The following TARBP1 variants were observed in gnomAD, a reference collection of about 807,000 sequenced individuals.
The protein encoded by TARBP1 is tRNA guanosine 2 -O-methyltransferase TARBP1.
TARBP1 carries 144 observed loss-of-function variants against 178.6 expected under a neutral mutation model. The ratio of observed to expected loss-of-function variants is 0.81; its 90% CI spans 0.70 to 0.93. TARBP1 has a LOEUF of 0.93. Among genes scored for constraint, TARBP1 ranks in the 40% least tolerant of loss-of-function variants. TARBP1 has a pLI of 0.00. For missense variants in TARBP1, 2,067 were observed against 2,011.7 expected (o/e 1.03, Z -0.53); for synonymous variants, 787 against 781.0 (o/e 1.01, Z -0.13).
chr1:234,413,891 T>A (rs1006706427), intron 22 of TARBP1, among the ~76,000 whole-genome samples: 1 of 152,162 alleles, frequency 6.6e-6, no homozygotes. Context: ...CAGGACCTGG[T>A]CACGAATCAG....
rs774080721 is a variant in TARBP1, at chr1:234,392,492, T to C, written c.4621A>G (p.Ile1541Val). Reference sequence around the variant, plus strand: ...CTTTTGGCAGTTTGTTCCACTCCAATGATGGTATAACCTTCTGTTTTCTTC... The same window carrying C: ...CTTTTGGCAGTTTGTTCCACTCCAACGATGGTATAACCTTCTGTTTTCTTC... ...QQKKTEGYTI[I>V]GVEQTAKSLD... Residue 1541 changes from isoleucine to valine, a missense_variant, in exon 29 of 30, where the codon ATT becomes GTT. Ile to Val is a conservative substitution (Grantham distance 29, BLOSUM62 3). Transcript: ENST00000040877. The C allele has an allele frequency of 6.2e-7, 1 of 1,614,044 alleles. No homozygotes were observed. Among genetic ancestry groups the C allele is most frequent in the African/African-American group, 1.3e-5 (1 of 74,946 alleles).
intron 6 of TARBP1, 32 bp downstream of exon 6, chr1:234,463,805 C>A: frequency 7.7e-7 from 1 of 1,306,162 alleles, no homozygotes; most frequent in Non-Finnish European, 1.0e-6. Flanking sequence ...TAAGCTAAAG[C>A]ATTTTTAAAA....
Position 234,391,614 on chromosome 1 carries a change from C to G in TARBP1, c.4829G>C (p.Arg1610Thr). ...SGALLIWEYTRQQLLSHGDTK... is the reference protein window; with the variant it reads ...SGALLIWEYTTQQLLSHGDTK... ...ATCTCCGTGCGAGAGCAGCTGCTGC[C>G]TGGTGTACTCCCAGATCAGCAGGGC... The change falls in exon 30 of 30, where the codon AGG becomes ACG. Residue 1610 changes from arginine to threonine, a missense_variant. Coordinates refer to ENST00000040877, the MANE Select transcript of TARBP1 (RefSeq NM_005646.4). 1 of 1,613,398 alleles carries G rather than the reference C, an allele frequency of 6.2e-7. No individual in the cohort carries two copies. The highest frequency in any genetic ancestry group is 1.3e-5 in the African/African-American group (1 of 75,006).
intron 22 of TARBP1, among the ~76,000 whole-genome samples, 165 bp downstream of exon 22, chr1:234,417,919 A>G (rs1182679484): frequency 6.6e-6 from 1 of 152,138 alleles, no homozygotes; most frequent in Non-Finnish European, 1.5e-5. Flanking sequence ...AATGCCAGGG[A>G]TTTCTGTCTT....
rs116332286 is a variant in TARBP1 at position 234,417,942 on chromosome 1, A to T, written c.3705+142T>A. 1,529 of 437,404 alleles carry T rather than the reference A, an allele frequency of 3.5e-3. 16 individuals carry two copies. The highest frequency in any genetic ancestry group is 0.028 in the African/African-American group (1,364 of 48,622). The allele number at this position is 437,404 out of a possible 1,614,324, so 27.1% of individuals were successfully genotyped here. Reference sequence around the variant, plus strand: ...GGATTTCTGTCTTCTGAATTAATTCAGATCTTGCAAAACATAACTTATGAT... The same window carrying T: ...GGATTTCTGTCTTCTGAATTAATTCTGATCTTGCAAAACATAACTTATGAT... On this transcript the variant is annotated intron_variant, in intron 22 of 29. Transcript: ENST00000040877.
rs200560058 is a variant in TARBP1, at chr1:234,405,889, C to T, written c.3989+14G>A. The T allele has an allele frequency of 2.6e-5, 42 of 1,609,868 alleles. No individual in the cohort carries two copies. The highest frequency in any genetic ancestry group is 3.1e-5 in the Non-Finnish European group (36 of 1,177,540). On this transcript the variant is annotated intron_variant, in intron 24 of 29. Coordinates refer to ENST00000040877, the MANE Select transcript of TARBP1 (RefSeq NM_005646.4). ...AGGAGAGTGAGGGCGATGAGGTTGA[C>T]GAGGGCTCCTTACCCTGCTCCGTGC... is the stretch of plus-strand genomic sequence containing the variant.
chr1:234,464,706 G>A (rs758337308), intron 5 of TARBP1, among the ~76,000 whole-genome samples: 1 of 152,134 alleles, frequency 6.6e-6, no homozygotes, highest in Non-Finnish European at 1.5e-5. Flanking sequence ...AATGTTTCAA[G>A]AAATTGGCTG....
intron 14 of TARBP1, among the ~76,000 whole-genome samples, chr1:234,432,619 C>A (rs886972335): frequency 6.6e-6 from 1 of 152,112 alleles, no homozygotes; most frequent in East Asian, 1.9e-4. Flanking sequence ...AAAGGGGAGA[C>A]CAGATGCTGC....
intron 10 of TARBP1, among the ~76,000 whole-genome samples, chr1:234,449,895 C>G (rs1167629740): frequency 6.6e-6 from 1 of 152,150 alleles, no homozygotes; most frequent in Non-Finnish European, 1.5e-5. Context: ...CTAATGTTGT[C>G]TTATATATTT....
At chr1:234,436,476 C>T (rs1665041520) in intron 13 of TARBP1, among the ~76,000 whole-genome samples, 1 of 152,010 alleles carries the variant, frequency 6.6e-6, no homozygotes, top group Admixed American at 6.5e-5. Flanking sequence ...ATAAATATTC[C>T]CCACTCCAAA....
In TARBP1 at chr1:234,427,361, T is replaced by C; in HGVS notation, c.3279A>G (p.Ile1093Met). Residue 1093 changes from isoleucine to methionine, a missense_variant, in exon 19 of 30, where the codon ATA becomes ATG. Ile to Met is a conservative substitution (Grantham distance 10). Transcript: ENST00000040877. ...CCGCACAGTCATGTCCAAGGTTTTCTATGAAGGTCTGTACATCCTGAACAA... is the reference window on the plus strand; with the variant it reads ...CCGCACAGTCATGTCCAAGGTTTTCCATGAAGGTCTGTACATCCTGAACAA... The part of the protein sequence containing the change: ...QRLVQDVQTF[I>M]ENLGHDCAAN... 1.9e-6 allele frequency: 3 copies of C among 1,612,520 alleles called. No individual in the cohort carries two copies. The highest frequency in any genetic ancestry group is 2.5e-6 in the Non-Finnish European group (3 of 1,179,288).
chr1:234,466,081 A>G (rs1156560909), intron 4 of TARBP1, among the ~76,000 whole-genome samples: 1 of 149,952 alleles, frequency 6.7e-6, no homozygotes, highest in Non-Finnish European at 1.5e-5. Flanking sequence ...CCTAGAGGAT[A>G]AAGAGGAAAA....
chr1:234,422,437 A>G (rs530025294), intron 20 of TARBP1, among the ~76,000 whole-genome samples: 1 of 152,334 alleles, frequency 6.6e-6, no homozygotes, highest in South Asian at 2.1e-4. Context: ...CTGCAACAAC[A>G]TGGATGGAAC....
intron 6 of TARBP1, among the ~76,000 whole-genome samples, chr1:234,462,851 A>ATC (rs1469496149): frequency 1.3e-5 from 2 of 152,232 alleles, no homozygotes. Flanking sequence ...TTGAATAGAC[A>ATC]TTACCATTGG....
chr1:234,460,304 G>C lies in TARBP1; in HGVS notation c.1492C>G (p.Pro498Ala). The change falls in exon 7 of 30, where the codon CCA becomes GCA. Residue 498 changes from proline to alanine, a missense_variant. Physicochemically the swap from Pro to Ala is conservative, Grantham distance 27. Coordinates refer to ENST00000040877, the MANE Select transcript of TARBP1 (RefSeq NM_005646.4). ...TCTATACCCAGGGCCTTATGTCTTG[G>C]GACATTTGCCAAAGCCTTAGATAGA... Reference protein sequence around the residue: ...LFLSKALANVPRHKALGIDGL... With the variant: ...LFLSKALANVARHKALGIDGL... 6 of 1,614,036 alleles carry C rather than the reference G, an allele frequency of 3.7e-6. No individual in the cohort carries two copies. The highest frequency in any genetic ancestry group is 5.1e-6 in the Non-Finnish European group (6 of 1,180,006).
chr1:234,453,676 A>G (rs141465328), intron 9 of TARBP1, among the ~76,000 whole-genome samples: 1 of 152,364 alleles, frequency 6.6e-6, no homozygotes, highest in African/African-American at 2.4e-5. Context: ...TAATGAGAAC[A>G]CTACATAACA....
chr1:234,435,352 G>C (rs1209877021), intron 13 of TARBP1, among the ~76,000 whole-genome samples: 1 of 150,856 alleles, frequency 6.6e-6, no homozygotes, highest in Non-Finnish European at 1.5e-5. Flanking sequence ...AGGCGCGGTG[G>C]CGCACGCCTG....
At chr1:234,406,185 G>A in intron 23 of TARBP1, 86 bp from the exon 24 acceptor site, 1 of 1,218,240 alleles carries the variant, frequency 8.2e-7, no homozygotes. Context: ...GTACACGAAT[G>A]ATACAACTGC....
chr1:234,393,247 G>T, intron 28 of TARBP1, 115 bp downstream of exon 28: 1 of 1,102,886 alleles, frequency 9.1e-7, no homozygotes, highest in African/African-American at 1.6e-5. Flanking sequence ...CAAAGATAGA[G>T]CACTATAAAA....
Sources: gnomAD v4.1 joint callset for allele counts (sites outside exome capture counted in the v4.1 genomes callset) on GRCh38, gnomAD v4.1.1 for gene constraint, MANE v1.5 for transcripts, NCBI Gene and HGNC (gene_info 2026-07-23, HGNC 2026-07-21) for gene names.